Variants in COL28A1 observed in about 807,000 individuals in gnomAD.
COL28A1 encodes the protein collagen type XXVIII alpha 1 chain.
A neutral mutation model predicts 150.2 loss-of-function variants in COL28A1; 161 were observed. The ratio of observed to expected loss-of-function variants is 1.07; its 90% CI spans 0.94 to 1.22. The LOEUF (loss-of-function observed/expected upper bound fraction) is 1.22. Ranked by LOEUF, COL28A1 falls within the 50% of genes most tolerant of loss-of-function variation. COL28A1 has a pLI of 0.00. For missense variants in COL28A1, 1,617 were observed against 1,388.3 expected (o/e 1.16, Z -2.62); for synonymous variants, 552 against 469.7 (o/e 1.18, Z -2.26).
intron 11 of COL28A1, among the ~76,000 whole-genome samples, chr7:7,502,817 C>A (rs1360461289): frequency 1.1e-5 from 1 of 94,016 alleles, no homozygotes; most frequent in Non-Finnish European, 1.9e-5. Flanking sequence ...CCTGCCTCAG[C>A]CTCCCGAGTA....
Position 7,517,909 on chromosome 7 carries a change from T to A in COL28A1, c.814-72A>T. On this transcript the variant is annotated intron_variant, in intron 6 of 34. Transcript: ENST00000399429. Reference sequence around the variant, plus strand: ...ACTGATTGCTCAATAAAATGCATTATACAGAAGATTAATAGCTTAGCCCAA... The same window carrying A: ...ACTGATTGCTCAATAAAATGCATTAAACAGAAGATTAATAGCTTAGCCCAA... 3.2e-6 allele frequency: 5 copies of A among 1,582,878 alleles called. No individual in the cohort carries two copies. The South Asian group carries it at 4.4e-5, about 14-fold the overall frequency.
At chr7:7,360,218 T>C (rs961888160) in intron 34 of COL28A1, among the ~76,000 whole-genome samples, 172 bp downstream of exon 34, 17 of 152,202 alleles carry the variant, frequency 1.1e-4, no homozygotes, top group Admixed American at 8.5e-4. Context: ...CAGTGAAAAC[T>C]ATATTTTGTC....
chr7:7,429,668 G>A (rs1441054022), intron 25 of COL28A1, among the ~76,000 whole-genome samples: 1 of 152,132 alleles, frequency 6.6e-6, no homozygotes, highest in Non-Finnish European at 1.5e-5. Context: ...TCTAAGACCA[G>A]CTCACCCTCC....
intron 8 of COL28A1, among the ~76,000 whole-genome samples, chr7:7,515,403 G>C (rs1204630266): frequency 6.6e-6 from 1 of 152,166 alleles, no homozygotes; most frequent in African/African-American, 2.4e-5. Context: ...GCTTAACCAG[G>C]ATAAATCCTC....
Position 7,358,530 on chromosome 7 carries a change from A to G in COL28A1, c.*103T>C, listed in dbSNP as rs1415085846. 1 of 1,048,098 alleles carries G rather than the reference A, an allele frequency of 9.5e-7. No individual in the cohort carries two copies. The highest frequency in any genetic ancestry group is 1.6e-5 in the African/African-American group (1 of 62,396). 64.9% of individuals were successfully genotyped at this position (1,048,098 alleles called of 1,614,324 possible). On this transcript the variant is annotated 3_prime_UTR_variant, in exon 35 of 35. Transcript: ENST00000399429. Reference sequence around the variant, plus strand: ...AATTCAATTACATGTATAAGTTGTAAATACTCAGTATACACTCAAATATAG... The same window carrying G: ...AATTCAATTACATGTATAAGTTGTAGATACTCAGTATACACTCAAATATAG...
At chr7:7,426,329 G>A (rs1784639989) in intron 25 of COL28A1, among the ~76,000 whole-genome samples, 1 of 152,286 alleles carries the variant, frequency 6.6e-6, no homozygotes, top group Admixed American at 6.5e-5. Context: ...CAGAACTCTG[G>A]AATGAATTAC....
rs776793877 is a variant in COL28A1 at position 7,506,042 on chromosome 7, G to C, written c.998C>G (p.Pro333Arg). ...ATTGCCTTGAAACCCCTTTGGGCCT[G>C]GGTCTCCTGGAGGTCCAGTAATTCC... ...IQGITGPPGD[P>R]GPKGFQGNKG... The change falls in exon 11 of 35, where the codon CCA (proline) becomes CGA (arginine). Residue 333 changes from proline to arginine, a missense_variant. Pro to Arg is a moderately radical substitution (Grantham distance 103). Transcript: ENST00000399429. The C allele has an allele frequency of 6.8e-7, 1 of 1,477,378 alleles. No homozygotes were observed. The highest frequency in any genetic ancestry group is 9.5e-7 in the Non-Finnish European group (1 of 1,055,382). 91.5% of individuals were successfully genotyped at this position (1,477,378 alleles called of 1,614,324 possible).
the COL28A1 span, among the ~76,000 whole-genome samples, chr7:7,350,142 T>C: frequency 8.9e-4 from 136 of 152,128 alleles, no homozygotes; most frequent in African/African-American, 3.0e-3. Context: ...CAGATAAAGA[T>C]TGGAGAAGAG....
At chr7:7,517,376 T>C (rs893312087) in intron 7 of COL28A1, among the ~76,000 whole-genome samples, 5 of 152,298 alleles carry the variant, frequency 3.3e-5, no homozygotes, top group Admixed American at 6.5e-5. Flanking sequence ...ATTTGGGGTA[T>C]AAGAAATCAA....
chr7:7,455,528 T>A (rs1230983944), intron 16 of COL28A1, among the ~76,000 whole-genome samples: 331 of 152,320 alleles, frequency 2.2e-3, no homozygotes, highest in African/African-American at 7.4e-3. Context: ...ATCTGTGTTT[T>A]GCTTCTATTC....
intron 21 of COL28A1, 89 bp from the exon 22 acceptor site, chr7:7,437,551 T>G: frequency 6.7e-7 from 1 of 1,483,068 alleles, no homozygotes; most frequent in Non-Finnish European, 9.0e-7. Context: ...TGTCTGCAGA[T>G]TTTTAAATTA....
intron 1 of COL28A1, among the ~76,000 whole-genome samples, chr7:7,534,357 A>T (rs940052085): frequency 6.6e-6 from 1 of 152,196 alleles, no homozygotes; most frequent in Non-Finnish European, 1.5e-5. Flanking sequence ...ATCTCTCCTC[A>T]AGTTGTCCCT....
At chr7:7,386,740 G>A (rs1312801306) in intron 27 of COL28A1, among the ~76,000 whole-genome samples, 1 of 152,182 alleles carries the variant, frequency 6.6e-6, no homozygotes, top group African/African-American at 2.4e-5. Context: ...CAGGACTAGG[G>A]TCAGGAGTAG....
Position 7,531,352 on chromosome 7 carries a change from C to A in COL28A1, c.677G>T (p.Arg226Leu). ...ATCAACCCATTAGGTACCTACCAGA[C>A]GATCTTGAATTTTATCTACAAGGGT... Reference protein sequence around the residue: ...DPTLVDKIQDRLDILFEKKCE... With the variant: ...DPTLVDKIQDLLDILFEKKCE... Residue 226 changes from arginine (R) to leucine (L), a missense_variant, in exon 3 of 35, where the codon CGT (arginine) becomes CTT (leucine). Transcript: ENST00000399429. 1 of 1,408,058 alleles carries A rather than the reference C, an allele frequency of 7.1e-7. No individual in the cohort carries two copies. Among genetic ancestry groups the A allele is most frequent in the Non-Finnish European group, 9.8e-7 (1 of 1,018,964 alleles). The allele number at this position is 1,408,058 out of a possible 1,614,324, so 87.2% of individuals were successfully genotyped here. A position where few individuals can be genotyped will look rare whatever the true frequency, so the allele number is the denominator to read the frequency against.
At chr7:7,512,605 A>G (rs1475921015) in intron 8 of COL28A1, among the ~76,000 whole-genome samples, 1 of 152,196 alleles carries the variant, frequency 6.6e-6, no homozygotes, top group Non-Finnish European at 1.5e-5. Context: ...TGAAACTTCT[A>G]CTACTTAGAA....
chr7:7,506,308 A>C (rs555313632), intron 10 of COL28A1, among the ~76,000 whole-genome samples: 1 of 152,256 alleles, frequency 6.6e-6, no homozygotes, highest in African/African-American at 2.4e-5. Flanking sequence ...TTTGTTTACT[A>C]AACCTGTGTT....
At chr7:7,527,304 G>A (rs964003793) in intron 3 of COL28A1, among the ~76,000 whole-genome samples, 1 of 152,228 alleles carries the variant, frequency 6.6e-6, no homozygotes, top group African/African-American at 2.4e-5. Flanking sequence ...GAGGTCCTAG[G>A]CCAGGGGCGG....
At chr7:7,384,504 A>G (rs746571619) in intron 27 of COL28A1, among the ~76,000 whole-genome samples, 12 of 152,356 alleles carry the variant, frequency 7.9e-5, no homozygotes, top group South Asian at 6.2e-4. Flanking sequence ...CCACATTCAC[A>G]TAACTTTGAT....
intron 9 of COL28A1, 80 bp from the exon 10 acceptor site, chr7:7,507,241 T>C: frequency 4.0e-6 from 3 of 747,058 alleles, no homozygotes; most frequent in African/African-American, 1.8e-5. Flanking sequence ...GGGAAGGAAA[T>C]GTGTTCTCGG....
Sources: gnomAD v4.1 joint callset for allele counts (sites outside exome capture counted in the v4.1 genomes callset) on GRCh38, gnomAD v4.1.1 for gene constraint, MANE v1.5 for transcripts, NCBI Gene and HGNC (gene_info 2026-07-23, HGNC 2026-07-21) for gene names.